The following GPR162 variants were observed in gnomAD, a reference collection of about 807,000 sequenced individuals.
GPR162 encodes the protein probable G protein-coupled receptor 162.
In GPR162, 26 loss-of-function variants were observed where a neutral mutation model predicts 44.9. The ratio of observed to expected loss-of-function variants is 0.58; its 90% CI spans 0.42 to 0.80. GPR162 has a LOEUF of 0.80. GPR162 is among the 30% of genes least tolerant of loss of function. The pLI is 0.00. For missense variants in GPR162, 704 were observed against 802.3 expected (o/e 0.88, Z 1.48); for synonymous variants, 363 against 335.2 (o/e 1.08, Z -0.91).
At position 6,824,450 on chromosome 12, in the gene GPR162, C is replaced by T; in HGVS notation, c.552C>T (p.Ser184=). 1 of 1,614,218 alleles carries T rather than the reference C, an allele frequency of 6.2e-7. No homozygotes were observed. Among genetic ancestry groups the T allele is most frequent in the Non-Finnish European group, 8.5e-7 (1 of 1,180,032 alleles). ...KIGLGFGVCF[S]LLLLGGIVMG... Reference sequence around the variant, plus strand: ...GCCTCGGCTTTGGCGTTTGCTTCAGCCTCTTGCTACTTGGGGGAATTGTCA... The same window carrying T: ...GCCTCGGCTTTGGCGTTTGCTTCAGTCTCTTGCTACTTGGGGGAATTGTCA... The change falls in exon 2 of 5, where the codon AGC becomes AGT. Residue 184 remains serine, a synonymous_variant. Coordinates refer to ENST00000311268, the MANE Select transcript of GPR162 (RefSeq NM_019858.2).
rs1047152799 is a variant in GPR162, at chr12:6,822,421, C to T, written c.-432+521C>T. ...TTGGGGAAAGCAAGGGTCTGAGCTG[C>T]TTCCATGGGAAACAGACCCTTTCAC... On this transcript the variant is annotated intron_variant, in intron 1 of 4. Coordinates refer to ENST00000311268, the MANE Select transcript of GPR162 (RefSeq NM_019858.2). The surrounding 1 kb of genome is among the most constrained non-coding windows in gnomAD (Gnocchi z 4.2). Among the ~76,000 whole-genome samples, 1 of 152,154 alleles carries T rather than the reference C, an allele frequency of 6.6e-6. No individual in the cohort carries two copies. Among genetic ancestry groups the T allele is most frequent in the Non-Finnish European group, 1.5e-5 (1 of 68,020 alleles).
chr12:6,825,335 C>A, intron 2 of GPR162, 149 bp from the exon 3 acceptor site: 1 of 614,516 alleles, frequency 1.6e-6, no homozygotes, highest in Non-Finnish European at 2.9e-6. Context: ...CCTCTGTTCA[C>A]TCCATCTCCA....
intron 2 of GPR162, 127 bp from the exon 3 acceptor site, chr12:6,825,357 G>T: frequency 1.6e-6 from 1 of 630,522 alleles, no homozygotes; most frequent in Non-Finnish European, 2.8e-6. Flanking sequence ...CTCCGGCTTC[G>T]CCTCTGTTGG....
chr12:6,827,234 G>A lies in GPR162; in HGVS notation c.*30G>A. Reference sequence around the variant, plus strand: ...AAGCAGGCCTGCTGAACTCAGAGGAGAAAGCCTGAGTGAGTAACACCTCAT... The same window carrying A: ...AAGCAGGCCTGCTGAACTCAGAGGAAAAAGCCTGAGTGAGTAACACCTCAT... On this transcript the variant is annotated 3_prime_UTR_variant, in exon 5 of 5. Coordinates refer to ENST00000311268, the MANE Select transcript of GPR162 (RefSeq NM_019858.2). The A allele has an allele frequency of 1.3e-6, 2 of 1,530,794 alleles. No homozygotes were observed. The allele number at this position is 1,530,794 out of a possible 1,614,324, so 94.8% of individuals were successfully genotyped here.
In GPR162 at chr12:6,827,128, G is replaced by A; in HGVS notation, c.1691G>A (p.Gly564Glu). Residue 564 changes from glycine to glutamate, a missense_variant, in exon 5 of 5, where the codon GGG becomes GAG. Around this residue, in one of 6 missense-constraint regions of GPR162, gnomAD observed 404 missense variants for 314.1 expected, o/e 1.29. Coordinates refer to ENST00000311268, the MANE Select transcript of GPR162 (RefSeq NM_019858.2). ...LSAGRRCSLT[G>E]GEESARAWGG... Reference sequence around the variant, plus strand: ...GCAGGGAGACGCTGCTCCCTGACGGGGGGTGAAGAAAGTGCAAGGGCTTGG... The same window carrying A: ...GCAGGGAGACGCTGCTCCCTGACGGAGGGTGAAGAAAGTGCAAGGGCTTGG... 5 of 1,613,354 alleles carry A rather than the reference G, an allele frequency of 3.1e-6. No homozygotes were observed. The highest frequency in any genetic ancestry group is 1.1e-5 in the South Asian group (1 of 91,088).
In GPR162 at chr12:6,826,998, C is replaced by T. The variant is rs1565509177; in HGVS notation, c.1561C>T (p.Pro521Ser). ...ACCTCTGCCTTCTCCGACTGCCTCACCAGGGCACTCTCCTCGTCGGCCCCG... is the reference window on the plus strand; with the variant it reads ...ACCTCTGCCTTCTCCGACTGCCTCATCAGGGCACTCTCCTCGTCGGCCCCG... The part of the protein sequence containing the change: ...ETPLPSPTAS[P>S]GHSPRRPRPL... The change falls in exon 5 of 5, where the codon CCA becomes TCA. Residue 521 changes from proline (P) to serine (S), a missense_variant. This residue lies in a region of GPR162 where 404 missense variants were observed against 314.1 expected (regional missense o/e 1.29). Coordinates refer to ENST00000311268, the MANE Select transcript of GPR162 (RefSeq NM_019858.2). 1 of 1,613,332 alleles carries T rather than the reference C, an allele frequency of 6.2e-7. No individual in the cohort carries two copies. Among genetic ancestry groups the T allele is most frequent in the Non-Finnish European group, 8.5e-7 (1 of 1,179,994 alleles).
In GPR162 at chr12:6,826,815, C is replaced by A. The variant is rs370685085; in HGVS notation, c.1378C>A (p.His460Asn). ...TCCTCCTGAGTACCTGGGACAAAGA[C>A]ACAGGTTGGAGGACGAGGAGGACGA... The part of the protein sequence containing the change: ...GGPPEYLGQR[H>N]RLEDEEDEEE... Residue 460 changes from histidine (H) to asparagine (N), a missense_variant, in exon 5 of 5, where the codon CAC becomes AAC. Physicochemically the swap from His to Asn is moderately conservative, Grantham distance 68. Transcript: ENST00000311268. The A allele has an allele frequency of 6.2e-7, 1 of 1,610,060 alleles. No homozygotes were observed.
rs1565508070 is a variant in GPR162, at chr12:6,825,566, C to T, written c.950C>T (p.Thr317Met). 1.9e-6 allele frequency: 3 copies of T among 1,609,602 alleles called. No individual in the cohort carries two copies. Among genetic ancestry groups the T allele is most frequent in the Non-Finnish European group, 2.5e-6 (3 of 1,178,046 alleles). Residue 317 changes from threonine to methionine, a missense_variant, in exon 3 of 5, where the codon ACG (threonine) becomes ATG (methionine). Thr to Met is a moderately conservative substitution (Grantham distance 81). Transcript: ENST00000311268. Reference protein sequence around the residue: ...LAVLWCSMAQTLLLPSFIWSC... With the variant: ...LAVLWCSMAQMLLLPSFIWSC... ...GTGCTGTGGTGCTCCATGGCACAGA[C>T]GCTGCTGCTGCCCTCCTTCATCTGG...
In GPR162 at chr12:6,824,726, C is replaced by A. The variant is rs781809274; in HGVS notation, c.828C>A (p.Ile276=). 6.2e-7 allele frequency: 1 copy of A among 1,613,840 alleles called. No individual in the cohort carries two copies. Among genetic ancestry groups the A allele is most frequent in the Non-Finnish European group, 8.5e-7 (1 of 1,180,002 alleles). The change falls in exon 2 of 5, where the codon ATC becomes ATA. Residue 276 remains isoleucine, a synonymous_variant. Coordinates refer to ENST00000311268, the MANE Select transcript of GPR162 (RefSeq NM_019858.2). ...SLQVTNLVSA[I]VFLYDSLTGV... ...AGGTCACCAACTTGGTCAGCGCCATCGTCTTTCTCTATGACTCACTCACAG... is the reference window on the plus strand; with the variant it reads ...AGGTCACCAACTTGGTCAGCGCCATAGTCTTTCTCTATGACTCACTCACAG...
At chr12:6,826,487 A>C (rs937792572) in intron 4 of GPR162, 134 bp downstream of exon 4, 5 of 1,094,234 alleles carry the variant, frequency 4.6e-6, no homozygotes, top group Middle Eastern at 2.2e-4. Flanking sequence ...AAAGAAAGCT[A>C]TAGCAAGAGA....
Position 6,826,870 on chromosome 12 carries a change from G to A in GPR162, c.1433G>A (p.Ser478Asn), listed in dbSNP as rs782808475. ...GAGGCTGAAGGTGGGGGGCTGGCCAGCCTTCGCCAATTCTTGGAGAGTGGG... is the reference window on the plus strand; with the variant it reads ...GAGGCTGAAGGTGGGGGGCTGGCCAACCTTCGCCAATTCTTGGAGAGTGGG... Reference protein sequence around the residue: ...EEEAEGGGLASLRQFLESGVL... With the variant: ...EEEAEGGGLANLRQFLESGVL... The change falls in exon 5 of 5, where the codon AGC becomes AAC. Residue 478 changes from serine to asparagine, a missense_variant. Transcript: ENST00000311268. 1.9e-6 allele frequency: 3 copies of A among 1,613,188 alleles called. No individual in the cohort carries two copies.
rs199811272 is a variant in GPR162, at chr12:6,827,091, T to C, written c.1654T>C (p.Leu552=). The change falls in exon 5 of 5, where the codon TTG becomes CTG. Residue 552 remains leucine, a synonymous_variant. Transcript: ENST00000311268. Reference sequence around the variant, plus strand: ...TGAGAGCAGAGCCGTTGGACTTCCTTTGGGACTAAGCGCAGGGAGACGCTG... The same window carrying C: ...TGAGAGCAGAGCCGTTGGACTTCCTCTGGGACTAAGCGCAGGGAGACGCTG... ...SPESRAVGLP[L]GLSAGRRCSL... is the part of the protein sequence containing the mutation. The C allele has an allele frequency of 8.1e-5, 130 of 1,613,338 alleles. No individual in the cohort carries two copies. Among genetic ancestry groups the C allele is most frequent in the Non-Finnish European group, 1.0e-4 (119 of 1,179,970 alleles).
chr12:6,826,903 G>A lies in GPR162; in HGVS notation c.1466G>A (p.Gly489Glu). The A allele has an allele frequency of 1.2e-6, 2 of 1,613,492 alleles. No individual in the cohort carries two copies. Among genetic ancestry groups the A allele is most frequent in the Non-Finnish European group, 8.5e-7 (1 of 1,179,980 alleles). ...LRQFLESGVL[G>E]SGGGPPRGPG... ...CAATTCTTGGAGAGTGGGGTTCTGG[G>A]GTCAGGTGGGGGACCCCCACGGGGT... Residue 489 changes from glycine (G) to glutamate (E), a missense_variant, in exon 5 of 5, where the codon GGG (glycine) becomes GAG (glutamate). Gly to Glu is a moderately conservative substitution (Grantham distance 98, BLOSUM62 -2). Around this residue, in one of 6 missense-constraint regions of GPR162, gnomAD observed 404 missense variants for 314.1 expected, o/e 1.29. Coordinates refer to ENST00000311268, the MANE Select transcript of GPR162 (RefSeq NM_019858.2).
In GPR162 at chr12:6,822,542, C is replaced by G. The variant is rs555744061; in HGVS notation, c.-432+642C>G. 2.6e-5 allele frequency among the ~76,000 whole-genome samples: 4 copies of G among 152,318 alleles called. No homozygotes were observed. The highest frequency in any genetic ancestry group is 3.9e-4 in the East Asian group (2 of 5,180). On this transcript the variant is annotated intron_variant, in intron 1 of 4. Transcript: ENST00000311268. This position sits in a 1 kb window ranked among gnomAD's most constrained non-coding sequence, Gnocchi z 4.2. ...GGGTTTCACCCGATTCCCTTACCCC[C>G]CTTCCCAGGGCTCACTGAAGCTCAG...
chr12:6,824,646 C>G lies in GPR162; in HGVS notation c.748C>G (p.Arg250Gly). Residue 250 changes from arginine (R) to glycine (G), a missense_variant, in exon 2 of 5, where the codon CGA becomes GGA. Arg to Gly is a moderately radical substitution (Grantham distance 125). This residue lies in a region of GPR162 where 92 missense variants were observed against 156.5 expected (regional missense o/e 0.59). Transcript: ENST00000311268. ...ACCAGCCATTGTGGTGGAGGATGCCCGAGGGAAGCGGCGGTCCTCGCTGGA... is the reference window on the plus strand; with the variant it reads ...ACCAGCCATTGTGGTGGAGGATGCCGGAGGGAAGCGGCGGTCCTCGCTGGA... ...EVPAIVVEDA[R>G]GKRRSSLDGS... 1 of 1,613,854 alleles carries G rather than the reference C, an allele frequency of 6.2e-7. No homozygotes were observed. Among genetic ancestry groups the G allele is most frequent in the Non-Finnish European group, 8.5e-7 (1 of 1,179,852 alleles).
At position 6,826,301 on chromosome 12, in the gene GPR162, T is replaced by G. The variant is rs377019930; in HGVS notation, c.1163T>G (p.Leu388Arg). 1.2e-6 allele frequency: 2 copies of G among 1,613,822 alleles called. No homozygotes were observed. The highest frequency in any genetic ancestry group is 2.7e-5 in the African/African-American group (2 of 74,910). Residue 388 changes from leucine to arginine, a missense_variant, in exon 4 of 5, where the codon CTG becomes CGG. This residue lies in a region of GPR162 where 404 missense variants were observed against 314.1 expected (regional missense o/e 1.29). Transcript: ENST00000311268. ...CGGGACCCCGCCCAGGTGAAGCTGC[T>G]GCCTGGAAGGCACATGCTCTTCCCT... ...GSRDPAQVKLLPGRHMLFPPL... is the reference protein window; with the variant it reads ...GSRDPAQVKLRPGRHMLFPPL...
chr12:6,826,163 A>G lies in GPR162; in HGVS notation c.1058-33A>G, dbSNP rs782222664. ...TGGGAGGCCGCGGTAGGCATTCCCT[A>G]CCTGTAACCACTCTGCCCATTTTCT... On this transcript the variant is annotated intron_variant, in intron 3 of 4. Transcript: ENST00000311268. 3.0e-5 allele frequency: 48 copies of G among 1,594,688 alleles called. No homozygotes were observed. The South Asian group carries it at 4.8e-4, about 16-fold the overall frequency.
In GPR162 at chr12:6,824,642, T is replaced by C. The variant is rs1555119710; in HGVS notation, c.744T>C (p.Asp248=). 4 of 1,613,852 alleles carry C rather than the reference T, an allele frequency of 2.5e-6. No individual in the cohort carries two copies. ...AFEVPAIVVE[D]ARGKRRSSLD... is the part of the protein sequence containing the mutation. ...AGGTACCAGCCATTGTGGTGGAGGA[T>C]GCCCGAGGGAAGCGGCGGTCCTCGC... Residue 248 remains aspartate (D), a synonymous_variant, in exon 2 of 5, where the codon GAT becomes GAC. Transcript: ENST00000311268.
intron 4 of GPR162, 137 bp downstream of exon 4, chr12:6,826,490 G>C (rs1943358012): frequency 2.8e-6 from 3 of 1,072,554 alleles, no homozygotes; most frequent in Non-Finnish European, 4.0e-6. Context: ...GAAAGCTATA[G>C]CAAGAGAGGC....
Sources: gnomAD v4.1 joint callset for allele counts (sites outside exome capture counted in the v4.1 genomes callset) on GRCh38, gnomAD v4.1.1 for gene constraint, gnomAD v4.1.1 regional missense constraint, Gnocchi (gnomAD v3.1) non-coding constraint, MANE v1.5 for transcripts, NCBI Gene and HGNC (gene_info 2026-07-23, HGNC 2026-07-21) for gene names.